LRBA: variants seen among roughly 807,000 people sequenced by gnomAD.
The protein encoded by LRBA is LPS responsive beige-like anchor protein.
In LRBA, 176 loss-of-function variants were observed where a neutral mutation model predicts 330.0. That is an observed-to-expected ratio of 0.53 (90% CI 0.47 to 0.60). The LOEUF (loss-of-function observed/expected upper bound fraction) is 0.60, where lower values mean the gene tolerates loss of function less well. Among genes scored for constraint, LRBA ranks in the 20% least tolerant of loss-of-function variants. LRBA has a pLI of 0.00. For synonymous variants in LRBA, 1,230 were observed against 1,193.0 expected (o/e 1.03, Z -0.64); for missense variants, 3,259 against 3,444.8 (o/e 0.95, Z 1.35).
chr4:150,973,639 G>A (rs1375972347), intron 2 of LRBA, among the ~76,000 whole-genome samples: 1 of 152,124 alleles, frequency 6.6e-6, no homozygotes, highest in Admixed American at 6.5e-5. Flanking sequence ...AAGATAAAAG[G>A]ATGTCTAAAT....
chr4:150,529,587 G>A (rs781544801), intron 40 of LRBA, among the ~76,000 whole-genome samples: 15 of 152,014 alleles, frequency 9.9e-5, no homozygotes, highest in East Asian at 9.7e-4. Context: ...ATGGTGGTGC[G>A]TGCCTGTAAT....
At chr4:150,977,999 C>T (rs1039150750) in intron 2 of LRBA, among the ~76,000 whole-genome samples, 2 of 152,256 alleles carry the variant, frequency 1.3e-5, no homozygotes, top group Non-Finnish European at 2.9e-5. Context: ...TTACTGGCTT[C>T]GCCAACTGCT....
Position 150,837,091 on chromosome 4 carries a change from G to A in LRBA, c.4570-5115C>T, listed in dbSNP as rs576460880. Among the ~76,000 whole-genome samples, 7 of 152,338 alleles carry A rather than the reference G, an allele frequency of 4.6e-5. No homozygotes were observed. In the South Asian group the frequency reaches 1.4e-3, roughly 32 times the overall value. Reference sequence around the variant, plus strand: ...CAGGAGCAGGTTGCTCAGTTTCCATGTAGTTGAGTGGTTTTGAGTGAGTTT... The same window carrying A: ...CAGGAGCAGGTTGCTCAGTTTCCATATAGTTGAGTGGTTTTGAGTGAGTTT... On this transcript the variant is annotated intron_variant, in intron 28 of 56. Transcript: ENST00000651943.
chr4:150,834,563 C>G (rs551186260), intron 28 of LRBA, among the ~76,000 whole-genome samples: 1 of 152,280 alleles, frequency 6.6e-6, no homozygotes, highest in Admixed American at 6.5e-5. Context: ...TTAAAACATT[C>G]AGTAAGCCAT....
chr4:150,891,799 C>T (rs958810538), intron 17 of LRBA, among the ~76,000 whole-genome samples: 2 of 152,164 alleles, frequency 1.3e-5, no homozygotes, highest in Non-Finnish European at 2.9e-5. Context: ...TGAATAAAGA[C>T]ACTTTTTATC....
intron 46 of LRBA, among the ~76,000 whole-genome samples, chr4:150,424,060 T>C (rs550821279): frequency 2.0e-5 from 3 of 152,330 alleles, no homozygotes; most frequent in East Asian, 1.9e-4. Flanking sequence ...TGTTTGTTTC[T>C]ATCTCCCTCT....
chr4:150,381,169 TA>T (rs906512206), intron 47 of LRBA, among the ~76,000 whole-genome samples: 1 of 152,136 alleles, frequency 6.6e-6, no homozygotes, highest in Non-Finnish European at 1.5e-5. Flanking sequence ...ATTTTTGAAT[TA>T]AAATGACAAG....
chr4:150,746,332 T>C (rs1732715156), intron 35 of LRBA, among the ~76,000 whole-genome samples: 1 of 152,118 alleles, frequency 6.6e-6, no homozygotes, highest in East Asian at 1.9e-4. Context: ...AAATAGTCCC[T>C]TATCCAGAGA....
intron 30 of LRBA, among the ~76,000 whole-genome samples, chr4:150,823,397 TC>T (rs1409056372): frequency 6.6e-6 from 1 of 152,180 alleles, no homozygotes; most frequent in Non-Finnish European, 1.5e-5. Context: ...TATTATATAA[TC>T]CCCAGTCTGT....
intron 40 of LRBA, among the ~76,000 whole-genome samples, chr4:150,501,964 A>T (rs1159489016): frequency 6.6e-6 from 1 of 152,196 alleles, no homozygotes. Flanking sequence ...AAATAGAGAA[A>T]CGTAGTTAGA....
chr4:150,938,140 G>T (rs2007437765), intron 2 of LRBA, among the ~76,000 whole-genome samples: 1 of 149,596 alleles, frequency 6.7e-6, no homozygotes, highest in Non-Finnish European at 1.5e-5. Flanking sequence ...ATACTTTCTT[G>T]TGACCTATCT....
At chr4:150,893,647 C>T (rs1022094953) in intron 16 of LRBA, among the ~76,000 whole-genome samples, 4 of 152,058 alleles carry the variant, frequency 2.6e-5, no homozygotes, top group African/African-American at 9.7e-5. Flanking sequence ...CCGCACCTGA[C>T]CTCAAAACAA....
intron 36 of LRBA, among the ~76,000 whole-genome samples, chr4:150,688,847 T>C (rs1169586666): frequency 1.3e-5 from 2 of 152,164 alleles, no homozygotes; most frequent in African/African-American, 4.8e-5. Context: ...TTTTACACTG[T>C]TGGAGGGAGT....
At chr4:150,659,720 A>G (rs1221382357) in intron 37 of LRBA, among the ~76,000 whole-genome samples, 1 of 6,828 alleles carries the variant, frequency 1.5e-4, no homozygotes, top group Non-Finnish European at 1.2e-3. Flanking sequence ...TCCGGGAGGG[A>G]GGTGGGGGGG....
intron 5 of LRBA, among the ~76,000 whole-genome samples, chr4:150,917,513 A>C (rs1458048916): frequency 1.3e-5 from 2 of 152,238 alleles, no homozygotes; most frequent in Admixed American, 6.5e-5. Flanking sequence ...GGATTAGTTC[A>C]TAATATTTTT....
At chr4:150,410,583 G>T (rs183028116) in intron 47 of LRBA, among the ~76,000 whole-genome samples, 64 of 152,186 alleles carry the variant, frequency 4.2e-4, no homozygotes, top group African/African-American at 1.2e-3. Flanking sequence ...ACAAGAGAAC[G>T]CTTCCTTTGC....
At chr4:150,986,755 A>G (rs889440508) in intron 2 of LRBA, among the ~76,000 whole-genome samples, 5 of 152,208 alleles carry the variant, frequency 3.3e-5, no homozygotes, top group Non-Finnish European at 7.3e-5. Flanking sequence ...TTTTTACTTG[A>G]CACAGGATGC....
At chr4:150,639,474 G>A (rs980390397) in intron 37 of LRBA, among the ~76,000 whole-genome samples, 14 of 146,980 alleles carry the variant, frequency 9.5e-5, no homozygotes, top group African/African-American at 1.7e-4. Flanking sequence ...TACCCCACCC[G>A]TGGTACTCAA....
At chr4:150,600,025 A>G (rs377023492) in intron 37 of LRBA, among the ~76,000 whole-genome samples, 2 of 152,102 alleles carry the variant, frequency 1.3e-5, no homozygotes, top group African/African-American at 2.4e-5. Flanking sequence ...CCCCTATTAC[A>G]TACACATTTT....
Sources: allele counts gnomAD v4.1 joint callset (sites outside exome capture counted in the v4.1 genomes callset), GRCh38; gene constraint gnomAD v4.1.1; transcripts MANE v1.5; gene names NCBI Gene and HGNC (gene_info 2026-07-23, HGNC 2026-07-21).